The following SREBF2 variants were observed in gnomAD, a reference collection of about 807,000 sequenced individuals.
SREBF2 encodes the protein sterol regulatory element binding transcription factor 2.
SREBF2 carries 55 observed loss-of-function variants against 113.1 expected under a neutral mutation model. The observed-to-expected ratio is 0.49, with a 90% CI of 0.39 to 0.61. The LOEUF (loss-of-function observed/expected upper bound fraction) is 0.61. Ranked by LOEUF, SREBF2 falls within the 20% of genes least tolerant of loss-of-function variation. The probability of loss-of-function intolerance (pLI) is 0.00; values close to 1 mark genes in which losing one functional copy is unlikely to be tolerated. For synonymous variants in SREBF2, 593 were observed against 605.7 expected, an observed-to-expected ratio of 0.98 and a Z score of 0.31; for missense variants, 1,349 against 1,487.4, an observed-to-expected ratio of 0.91 and a Z score of 1.53.
intron 9 of SREBF2, among the ~76,000 whole-genome samples, chr22:41,879,053 G>C (rs892108836): frequency 6.6e-6 from 1 of 152,146 alleles, no homozygotes; most frequent in Non-Finnish European, 1.5e-5. Flanking sequence ...GTAAAGACAA[G>C]GTCTCACTGT....
At chr22:41,869,558 C>T in intron 3 of SREBF2, among the ~76,000 whole-genome samples, 1 of 150,136 alleles carries the variant, frequency 6.7e-6, no homozygotes, top group Non-Finnish European at 1.5e-5. Context: ...ATCTTGGCTC[C>T]CTGCAACCCC....
chr22:41,892,643 G>A (rs1288023557), intron 11 of SREBF2, among the ~76,000 whole-genome samples: 12 of 102,550 alleles, frequency 1.2e-4, no homozygotes, highest in East Asian at 5.0e-4. Flanking sequence ...GCGAAACTCC[G>A]TCTCAAAAAA....
At chr22:41,874,667 G>A (rs992707506) in intron 5 of SREBF2, among the ~76,000 whole-genome samples, 2 of 152,220 alleles carry the variant, frequency 1.3e-5, no homozygotes, top group Non-Finnish European at 2.9e-5. Flanking sequence ...CAGCACTTTG[G>A]GAGGCTGAGG....
At chr22:41,868,951 G>C (rs780961761) in intron 3 of SREBF2, among the ~76,000 whole-genome samples, 159 bp downstream of exon 3, 1 of 152,236 alleles carries the variant, frequency 6.6e-6, no homozygotes, top group African/African-American at 2.4e-5. Context: ...TAGTGACCTG[G>C]CTGAGTCCAT....
At chr22:41,895,680 C>G (rs2077409496) in intron 13 of SREBF2, among the ~76,000 whole-genome samples, 1 of 151,940 alleles carries the variant, frequency 6.6e-6, no homozygotes, top group Non-Finnish European at 1.5e-5. Context: ...GGGCAATCCG[C>G]CTGCCTCGGC....
intron 10 of SREBF2, among the ~76,000 whole-genome samples, chr22:41,884,221 C>T (rs956753009): frequency 6.6e-6 from 1 of 152,174 alleles, no homozygotes; most frequent in Non-Finnish European, 1.5e-5. Flanking sequence ...CTGCAACCTC[C>T]GCATCGCAGG....
rs1377421273 is a variant in SREBF2, at chr22:41,833,156, G to A, written c.-115G>A. On this transcript the variant is annotated 5_prime_UTR_variant, in exon 1 of 19. Transcript: ENST00000361204. The surrounding 1 kb of genome is among the most constrained non-coding windows in gnomAD (Gnocchi z 4.1). ...GCAAACATGGCGGCGGGTGGCACCCGTCGGTGAGGCGGTGCCGGGCGGGGG... is the reference window on the plus strand; with the variant it reads ...GCAAACATGGCGGCGGGTGGCACCCATCGGTGAGGCGGTGCCGGGCGGGGG... 4.0e-6 allele frequency: 3 copies of A among 759,210 alleles called. No individual in the cohort carries two copies. Among genetic ancestry groups the A allele is most frequent in the Non-Finnish European group, 5.8e-6 (3 of 519,382 alleles). The allele number at this position is 759,210 out of a possible 1,614,324, so 47.0% of individuals were successfully genotyped here.
At chr22:41,873,710 C>A in intron 4 of SREBF2, 88 bp from the exon 5 acceptor site, 1 of 1,392,952 alleles carries the variant, frequency 7.2e-7, no homozygotes, top group East Asian at 2.5e-5. Flanking sequence ...TCTGGCAGCA[C>A]TTGGCCAAAG....
intron 5 of SREBF2, among the ~76,000 whole-genome samples, chr22:41,874,497 T>A (rs543048919): frequency 6.6e-6 from 1 of 152,238 alleles, no homozygotes; most frequent in Non-Finnish European, 1.5e-5. Flanking sequence ...TTCTAGAAAG[T>A]AGGAGATTTT....
rs777365783 is a variant in SREBF2 at position 41,898,667 on chromosome 22, G to A, written c.2624G>A (p.Arg875Gln). 1.7e-5 allele frequency: 27 copies of A among 1,613,916 alleles called. No individual in the cohort carries two copies. The highest frequency in any genetic ancestry group is 2.2e-5 in the East Asian group (1 of 44,890). The stretch of plus-strand genomic sequence containing the variant: ...CCTCTAGGTCCAGACATCATCTGTC[G>A]GTGGTGGACGTCTGCAATCACTGTG... ...KSALGPDIIC[R>Q]WWTSAITVAI... is the part of the protein sequence containing the mutation. Residue 875 changes from arginine to glutamine, a missense_variant, in exon 15 of 19, where the codon CGG becomes CAG. By Grantham distance (43) the Arg-to-Gln change is conservative (BLOSUM62 1). This residue lies in a region of SREBF2 where 650 missense variants were observed against 644.1 expected (regional missense o/e 1.01). Transcript: ENST00000361204.
At chr22:41,881,870 G>A (rs756048639) in intron 10 of SREBF2, among the ~76,000 whole-genome samples, 1 of 152,052 alleles carries the variant, frequency 6.6e-6, no homozygotes, top group African/African-American at 2.4e-5. Context: ...TCAGGAGTTC[G>A]AGACCAGCCT....
At chr22:41,864,257 T>TACACAC (rs1271238414) in intron 1 of SREBF2, among the ~76,000 whole-genome samples, 158 of 72,736 alleles carry the variant, frequency 2.2e-3, no homozygotes, top group Non-Finnish European at 3.4e-3. Flanking sequence ...TATATATATA[T>TACACAC]ATATACACAC....
chr22:41,889,611 C>T (rs185842909), intron 11 of SREBF2, among the ~76,000 whole-genome samples: 25 of 151,638 alleles, frequency 1.6e-4, no homozygotes, highest in South Asian at 1.5e-3. Context: ...CCTGAAACCA[C>T]GAGTTTGAGG....
intron 1 of SREBF2, among the ~76,000 whole-genome samples, chr22:41,851,884 G>T (rs2076934884): frequency 6.6e-6 from 1 of 151,956 alleles, no homozygotes. Context: ...ACTTTGTGGG[G>T]CCAAGGGGGG....
chr22:41,871,193 G>A (rs540809175), intron 4 of SREBF2, among the ~76,000 whole-genome samples, 158 bp downstream of exon 4: 1 of 152,034 alleles, frequency 6.6e-6, no homozygotes, highest in African/African-American at 2.4e-5. Flanking sequence ...GTTGTTTTTC[G>A]CTCGAAAAAG....
chr22:41,867,049 T>A lies in SREBF2; in HGVS notation c.307T>A (p.Ser103Thr), dbSNP rs2077086877. The change falls in exon 2 of 19, where the codon TCG becomes ACG. Residue 103 changes from serine to threonine, a missense_variant. Ser to Thr is a moderately conservative substitution (Grantham distance 58). This residue lies in a region of SREBF2 where 699 missense variants were observed against 843.3 expected (regional missense o/e 0.83). Coordinates refer to ENST00000361204, the MANE Select transcript of SREBF2 (RefSeq NM_004599.4). ...GGTCACATTACCTTCCTTCTCTCCC[T>A]CGGCGGCCTCCCCACAGGCTCCAAC... Reference protein sequence around the residue: ...TQVTLPSFSPSAASPQAPTLQ... With the variant: ...TQVTLPSFSPTAASPQAPTLQ... 1 of 1,613,994 alleles carries A rather than the reference T, an allele frequency of 6.2e-7. No individual in the cohort carries two copies. The highest frequency in any genetic ancestry group is 1.3e-5 in the African/African-American group (1 of 74,874).
chr22:41,898,858 T>G (rs2077439324), intron 15 of SREBF2, 77 bp downstream of exon 15: 1 of 1,578,568 alleles, frequency 6.3e-7, no homozygotes, highest in Admixed American at 1.8e-5. Flanking sequence ...CAAACTGGAC[T>G]GGGTGGGCGT....
chr22:41,894,082 C>A lies in SREBF2; in HGVS notation c.2378-738C>A, dbSNP rs571410843. ...ATAAAGGATGAAAGCAAAAGCAATCCTAAATCTTTCTACCCCACCCCTGCT... is the reference window on the plus strand; with the variant it reads ...ATAAAGGATGAAAGCAAAAGCAATCATAAATCTTTCTACCCCACCCCTGCT... On this transcript the variant is annotated intron_variant, in intron 12 of 18. Transcript: ENST00000361204. 4.6e-4 allele frequency among the ~76,000 whole-genome samples: 70 copies of A among 152,192 alleles called. 1 individual carries two copies. The highest frequency in any genetic ancestry group is 2.1e-3 in the Admixed American group (32 of 15,290).
rs1364325414 is a variant in SREBF2 at position 41,833,619 on chromosome 22, G to C, written c.88+261G>C. 4 of 391,674 alleles carry C rather than the reference G, an allele frequency of 1.0e-5. No homozygotes were observed. Among genetic ancestry groups the C allele is most frequent in the African/African-American group, 8.5e-5 (4 of 47,278 alleles). The allele number at this position is 391,674 out of a possible 1,614,324, so 24.3% of individuals were successfully genotyped here. ...GCGAGGGTCGCGGGTTCCAGAGCGC[G>C]GGGCTAGGGACGTCGCGGGGGCGTC... On this transcript the variant is annotated intron_variant, in intron 1 of 18. Coordinates refer to ENST00000361204, the MANE Select transcript of SREBF2 (RefSeq NM_004599.4). This position sits in a 1 kb window ranked among gnomAD's most constrained non-coding sequence, Gnocchi z 4.1.
Sources: allele counts gnomAD v4.1 joint callset (sites outside exome capture counted in the v4.1 genomes callset), GRCh38; gene constraint gnomAD v4.1.1; regional missense constraint gnomAD v4.1.1; non-coding constraint Gnocchi (gnomAD v3.1); transcripts MANE v1.5; gene names NCBI Gene and HGNC (gene_info 2026-07-23, HGNC 2026-07-21).